The following ANKRD62 variants were observed in gnomAD, a reference collection of about 807,000 sequenced individuals.
ANKRD62 encodes ankyrin repeat domain 62.
Under a neutral mutation model 98.8 loss-of-function variants are expected in ANKRD62, and 61 were observed. That is an observed-to-expected ratio of 0.62 (90% CI 0.50 to 0.76). The LOEUF is 0.76. Among genes scored for constraint, ANKRD62 ranks in the 30% least tolerant of loss-of-function variants. The pLI, the probability that ANKRD62 is intolerant of heterozygous loss-of-function variation, is 0.00. For synonymous variants in ANKRD62, 341 were observed against 367.9 expected, an observed-to-expected ratio of 0.93 and a Z score of 0.84; for missense variants, 933 against 1,082.9, an observed-to-expected ratio of 0.86 and a Z score of 1.94.
chr18:12,109,470 G>A (rs552013988), intron 8 of ANKRD62, among the ~76,000 whole-genome samples: 12 of 152,204 alleles, frequency 7.9e-5, no homozygotes, highest in South Asian at 2.1e-4. Flanking sequence ...AAATTTTGTC[G>A]GAATACAATA....
At chr18:12,114,968 A>G (rs1364473497) in intron 8 of ANKRD62, 120 bp from the exon 9 acceptor site, 4 of 815,226 alleles carry the variant, frequency 4.9e-6, no homozygotes, top group Admixed American at 7.7e-5. Flanking sequence ...ACCTGTAAAC[A>G]TTATAAATAA....
chr18:12,099,422 T>C (rs946958261), intron 5 of ANKRD62, among the ~76,000 whole-genome samples, 193 bp from the exon 6 acceptor site: 11 of 133,958 alleles, frequency 8.2e-5, no homozygotes, highest in African/African-American at 2.9e-4. Context: ...TACTGAGTTA[T>C]ACTGTCCTCA....
At chr18:12,118,371 G>C (rs907487321) in intron 10 of ANKRD62, among the ~76,000 whole-genome samples, 11 of 152,132 alleles carry the variant, frequency 7.2e-5, no homozygotes, top group African/African-American at 2.7e-4. Context: ...ACTTTTGGGA[G>C]GCCAAGATGG....
rs1319904144 is a variant in ANKRD62, at chr18:12,115,284, A to G, written c.1099-109A>G. ...ACCAAAGTCAGTTATTTTAAGAAGTACCTGTGTTTTTGCTCATGTAAAAAG... is the reference window on the plus strand; with the variant it reads ...ACCAAAGTCAGTTATTTTAAGAAGTGCCTGTGTTTTTGCTCATGTAAAAAG... On this transcript the variant is annotated intron_variant, in intron 9 of 13. Coordinates refer to ENST00000587848, the MANE Select transcript of ANKRD62 (RefSeq NM_001277333.2). 5.4e-6 allele frequency: 7 copies of G among 1,291,634 alleles called. No individual in the cohort carries two copies. In the East Asian group the frequency reaches 7.7e-5, roughly 14 times the overall value. 80.0% of individuals were successfully genotyped at this position (1,291,634 alleles called of 1,614,324 possible).
chr18:12,097,719 T>TGCCAA lies in ANKRD62; in HGVS notation c.696_700dup (p.Asp234AlafsTer24). The stretch of plus-strand genomic sequence containing the variant: ...TCTTCAGCACAATATTGATGTCTTT[T>TGCCAA]GCCAAGATATATCTGGATGGACTGC... On this transcript the variant is annotated frameshift_variant, in exon 5 of 14. Coordinates refer to ENST00000587848, the MANE Select transcript of ANKRD62 (RefSeq NM_001277333.2). LOFTEE classifies it high-confidence loss of function. 6.5e-7 allele frequency: 1 copy of TGCCAA among 1,536,088 alleles called. No homozygotes were observed. Among genetic ancestry groups the TGCCAA allele is most frequent in the Non-Finnish European group, 8.7e-7 (1 of 1,146,810 alleles).
chr18:12,160,332 C>T, the ANKRD62 span, among the ~76,000 whole-genome samples: 11 of 152,176 alleles, frequency 7.2e-5, no homozygotes, highest in African/African-American at 1.2e-4. Flanking sequence ...GTTAATTTCT[C>T]ACCTTTTAAA....
chr18:12,109,645 C>T (rs1267552306), intron 8 of ANKRD62, among the ~76,000 whole-genome samples: 1 of 151,982 alleles, frequency 6.6e-6, no homozygotes, highest in East Asian at 1.9e-4. Flanking sequence ...CTGAATATTG[C>T]CAAGGGATTG....
At chr18:12,173,843 C>T in the ANKRD62 span, among the ~76,000 whole-genome samples, 6 of 152,198 alleles carry the variant, frequency 3.9e-5, no homozygotes, top group Non-Finnish European at 7.3e-5. Context: ...TGTAGGGGTT[C>T]TGGCTGAAAG....
At chr18:12,120,907 CTTTTA>C (rs1909769497) in intron 10 of ANKRD62, among the ~76,000 whole-genome samples, 1 of 152,070 alleles carries the variant, frequency 6.6e-6, no homozygotes, top group Admixed American at 6.6e-5. Flanking sequence ...CAATGGTACA[CTTTTA>C]TTTATTTTTT....
the ANKRD62 span, among the ~76,000 whole-genome samples, chr18:12,151,283 T>C: frequency 1.3e-5 from 2 of 151,650 alleles, no homozygotes; most frequent in Non-Finnish European, 2.9e-5. Context: ...CCTAGGTTCA[T>C]AAAGCGAGTT....
chr18:12,109,087 A>T lies in ANKRD62; in HGVS notation c.1064+1620A>T, dbSNP rs1249816683. ...TTCTGGGGTCTGGAAGATGGTCACC[A>T]TCTTCTCACAGCTCTTCGAAGCAGT... On this transcript the variant is annotated intron_variant, in intron 8 of 13. Transcript: ENST00000587848. Among the ~76,000 whole-genome samples the T allele has an allele frequency of 5.3e-5, 8 of 152,196 alleles. No homozygotes were observed. In the East Asian group the frequency reaches 1.2e-3, roughly 22 times the overall value.
chr18:12,114,151 G>C (rs1315854908), intron 8 of ANKRD62, among the ~76,000 whole-genome samples: 1 of 152,166 alleles, frequency 6.6e-6, no homozygotes, highest in Non-Finnish European at 1.5e-5. Context: ...TGGAGTGGAG[G>C]ATGAGTGGAG....
At chr18:12,159,637 T>A in the ANKRD62 span, among the ~76,000 whole-genome samples, 1 of 152,234 alleles carries the variant, frequency 6.6e-6, no homozygotes, top group Non-Finnish European at 1.5e-5. Flanking sequence ...AGAAGAATGT[T>A]GTATCTTTTC....
At chr18:12,100,499 A>G (rs948703833) in intron 6 of ANKRD62, among the ~76,000 whole-genome samples, 57 of 152,254 alleles carry the variant, frequency 3.7e-4, no homozygotes, top group African/African-American at 1.3e-3. Context: ...TTGTTCAGAG[A>G]TTAACTCTGA....
the ANKRD62 span, among the ~76,000 whole-genome samples, chr18:12,137,010 T>C: frequency 6.6e-6 from 1 of 152,128 alleles, no homozygotes; most frequent in African/African-American, 2.4e-5. Flanking sequence ...ACAATTTGAC[T>C]CCCTCTTTCC....
chr18:12,156,932 C>T, the ANKRD62 span, among the ~76,000 whole-genome samples: 1 of 152,158 alleles, frequency 6.6e-6, no homozygotes, highest in Non-Finnish European at 1.5e-5. Context: ...ATAACTTCCT[C>T]TCTCACTCTC....
the ANKRD62 span, among the ~76,000 whole-genome samples, chr18:12,140,534 G>T: frequency 6.6e-6 from 1 of 151,294 alleles, no homozygotes; most frequent in African/African-American, 2.4e-5. Context: ...TGGTGTAGAT[G>T]TCCTTTCTGT....
At chr18:12,145,117 C>G in the ANKRD62 span, among the ~76,000 whole-genome samples, 1 of 149,148 alleles carries the variant, frequency 6.7e-6, no homozygotes, top group South Asian at 2.2e-4. Context: ...TTTTGTAGAA[C>G]AGCTGTGTCG....
rs550674959 is a variant in ANKRD62 at position 12,097,671 on chromosome 18, T to G, written c.646T>G (p.Ser216Ala). The G allele has an allele frequency of 1.3e-6, 2 of 1,535,952 alleles. No homozygotes were observed. Among genetic ancestry groups the G allele is most frequent in the South Asian group, 2.4e-5 (2 of 83,978 alleles). Residue 216 changes from serine to alanine, a missense_variant, in exon 5 of 14, where the codon TCA becomes GCA. Coordinates refer to ENST00000587848, the MANE Select transcript of ANKRD62 (RefSeq NM_001277333.2). The part of the protein sequence containing the change: ...TALILAARNG[S>A]TSVVYQLLQH... ...CCTGATACTTGCTGCTCGTAATGGA[T>G]CAACAAGTGTAGTCTACCAGCTTCT...
Sources: gnomAD v4.1 joint callset for allele counts (sites outside exome capture counted in the v4.1 genomes callset) on GRCh38, gnomAD v4.1.1 for gene constraint, MANE v1.5 for transcripts, NCBI Gene and HGNC (gene_info 2026-07-23, HGNC 2026-07-21) for gene names.